SDK1: variants seen among roughly 807,000 people sequenced by gnomAD.
SDK1 encodes the protein protein sidekick-1.
SDK1 carries 157 observed loss-of-function variants against 245.5 expected under a neutral mutation model. That is an observed-to-expected ratio of 0.64 (90% CI 0.56 to 0.73). SDK1 has a LOEUF of 0.73. Ranked by LOEUF, SDK1 falls within the 30% of genes least tolerant of loss-of-function variation. The pLI is 0.00. For missense variants in SDK1, 3,583 were observed against 3,002.3 expected, an observed-to-expected ratio of 1.19 and a Z score of -4.52; for synonymous variants, 1,647 against 1,278.5, an observed-to-expected ratio of 1.29 and a Z score of -6.15.
intron 40 of SDK1, among the ~76,000 whole-genome samples, chr7:4,225,764 C>A (rs1481105096): frequency 6.6e-6 from 1 of 152,048 alleles, no homozygotes; most frequent in Non-Finnish European, 1.5e-5. Context: ...AGGGTTGGGG[C>A]CAGTGTGTGG....
intron 1 of SDK1, among the ~76,000 whole-genome samples, chr7:3,315,930 T>C (rs897973270): frequency 6.6e-5 from 10 of 152,146 alleles, no homozygotes; most frequent in African/African-American, 2.4e-4. Flanking sequence ...TACAGGCTCA[T>C]TATAAGAATA....
intron 1 of SDK1, among the ~76,000 whole-genome samples, chr7:3,460,665 A>G (rs1290711976): frequency 6.6e-6 from 1 of 152,202 alleles, no homozygotes; most frequent in Non-Finnish European, 1.5e-5. Context: ...ATAATCGGAA[A>G]GGAATTAGAA....
At chr7:3,409,642 CTGGAGGTGGAT>C (rs1453830925) in intron 1 of SDK1, among the ~76,000 whole-genome samples, 1 of 152,120 alleles carries the variant, frequency 6.6e-6, no homozygotes, top group African/African-American at 2.4e-5. Flanking sequence ...AATCCCAAGA[CTGGAGGTGGAT>C]TGGAGACAGC....
At chr7:3,699,105 A>C (rs1051448437) in intron 4 of SDK1, among the ~76,000 whole-genome samples, 1 of 152,216 alleles carries the variant, frequency 6.6e-6, no homozygotes, top group Non-Finnish European at 1.5e-5. Context: ...GAAGGGCGGC[A>C]CTTCTCTTGG....
chr7:4,194,306 ATG>A (rs1783424344), intron 35 of SDK1, among the ~76,000 whole-genome samples: 2 of 100,198 alleles, frequency 2.0e-5, no homozygotes, highest in Non-Finnish European at 4.4e-5. Context: ...ATGTGTATAC[ATG>A]TATACATATA....
At chr7:3,583,529 A>T (rs542948812) in intron 1 of SDK1, among the ~76,000 whole-genome samples, 3 of 152,328 alleles carry the variant, frequency 2.0e-5, no homozygotes, top group African/African-American at 7.2e-5. Flanking sequence ...GCATCTGTCT[A>T]GTTCATAGCA....
chr7:4,049,300 T>A, intron 17 of SDK1, 48 bp from the exon 18 acceptor site: 1 of 1,434,184 alleles, frequency 7.0e-7, no homozygotes, highest in Non-Finnish European at 9.8e-7. Flanking sequence ...CACCCCATGG[T>A]CCCTCCTGCC....
intron 40 of SDK1, among the ~76,000 whole-genome samples, chr7:4,231,296 G>A (rs1390034956): frequency 6.6e-6 from 1 of 151,902 alleles, no homozygotes. Flanking sequence ...AGGCATAGTG[G>A]CTCATGCCTA....
At chr7:4,061,003 C>T (rs968683570) in intron 19 of SDK1, among the ~76,000 whole-genome samples, 40 of 152,246 alleles carry the variant, frequency 2.6e-4, no homozygotes, top group Non-Finnish European at 4.7e-4. Context: ...TGATCTATAT[C>T]TCTGTTTTGG....
chr7:3,895,533 T>C (rs1399066817), intron 5 of SDK1, among the ~76,000 whole-genome samples: 1 of 152,188 alleles, frequency 6.6e-6, no homozygotes, highest in African/African-American at 2.4e-5. Flanking sequence ...GGAGACAGTG[T>C]AGCCATCTCG....
chr7:4,127,975 C>T (rs767149177), intron 26 of SDK1, among the ~76,000 whole-genome samples: 51 of 152,198 alleles, frequency 3.4e-4, no homozygotes, highest in Non-Finnish European at 5.6e-4. Context: ...TGTGTCATCA[C>T]GGTCCTAGCA....
At chr7:4,109,098 T>C (rs917152166) in intron 22 of SDK1, among the ~76,000 whole-genome samples, 14 of 152,218 alleles carry the variant, frequency 9.2e-5, no homozygotes. Context: ...TTCACGGCTT[T>C]GACTGTCGTG....
chr7:3,614,787 GTGT>G (rs1781716662), intron 1 of SDK1, among the ~76,000 whole-genome samples: 1 of 152,098 alleles, frequency 6.6e-6, no homozygotes, highest in Non-Finnish European at 1.5e-5. Context: ...AAATTCCAGG[GTGT>G]TGACATATTT....
At chr7:3,329,216 T>A (rs991513376) in intron 1 of SDK1, among the ~76,000 whole-genome samples, 1 of 152,186 alleles carries the variant, frequency 6.6e-6, no homozygotes, top group Non-Finnish European at 1.5e-5. Context: ...GGTACTCATT[T>A]AAGCTCCCAA....
intron 1 of SDK1, among the ~76,000 whole-genome samples, chr7:3,452,167 G>A (rs1233294294): frequency 6.6e-6 from 1 of 152,170 alleles, no homozygotes; most frequent in Non-Finnish European, 1.5e-5. Flanking sequence ...TGTGTTTGGG[G>A]CTTTTGTCGT....
At chr7:3,484,810 G>C (rs569413959) in intron 1 of SDK1, among the ~76,000 whole-genome samples, 1 of 152,116 alleles carries the variant, frequency 6.6e-6, no homozygotes, top group Admixed American at 6.5e-5. Context: ...AGTTATAAAC[G>C]TGTTGCTGCA....
intron 29 of SDK1, among the ~76,000 whole-genome samples, chr7:4,147,220 G>A (rs1386161234): frequency 1.3e-5 from 2 of 152,132 alleles, no homozygotes; most frequent in African/African-American, 4.8e-5. Context: ...TTGCTCTGTT[G>A]CCCAGGCTGG....
At chr7:3,666,241 G>A (rs941493187) in intron 4 of SDK1, among the ~76,000 whole-genome samples, 2 of 152,104 alleles carry the variant, frequency 1.3e-5, no homozygotes, top group South Asian at 4.1e-4. Context: ...GCCTTGTGCC[G>A]CCTGCATCTG....
intron 4 of SDK1, among the ~76,000 whole-genome samples, chr7:3,677,414 C>T (rs1167971563): frequency 6.6e-6 from 1 of 152,178 alleles, no homozygotes; most frequent in African/African-American, 2.4e-5. Flanking sequence ...GGAGGCCTCA[C>T]AATCATGGCT....
Sources: gnomAD v4.1 joint callset for allele counts (sites outside exome capture counted in the v4.1 genomes callset) on GRCh38, gnomAD v4.1.1 for gene constraint, MANE v1.5 for transcripts, NCBI Gene and HGNC (gene_info 2026-07-23, HGNC 2026-07-21) for gene names.